The following INSL6 variants were observed in gnomAD, a reference collection of about 807,000 sequenced individuals.
INSL6 encodes insulin like 6.
In INSL6, 16 loss-of-function variants were observed where a neutral mutation model predicts 9.4. The observed-to-expected ratio is 1.70, with a 90% confidence interval of 1.15 to 2.59. The LOEUF is 2.59. INSL6 is among the 30% of genes most tolerant of loss of function. INSL6 has a pLI of 0.00. For synonymous variants in INSL6, 154 were observed against 96.9 expected, an observed-to-expected ratio of 1.59 and a Z score of -3.46; for missense variants, 391 against 257.3, an observed-to-expected ratio of 1.52 and a Z score of -3.56.
the INSL6 span, among the ~76,000 whole-genome samples, chr9:5,015,769 T>G: frequency 0.014 from 2,162 of 152,328 alleles, 64 homozygotes; most frequent in African/African-American, 0.05. Flanking sequence ...TTGAATTCAT[T>G]TAAATTCGGG....
At chr9:5,093,976 A>T in the INSL6 span, among the ~76,000 whole-genome samples, 21 of 152,118 alleles carry the variant, frequency 1.4e-4, no homozygotes, top group South Asian at 6.2e-4. Context: ...CCCATAAATG[A>T]TGCTATCTCA....
chr9:5,109,865 C>T, the INSL6 span: 3 of 152,126 alleles, frequency 2.0e-5, no homozygotes, highest in African/African-American at 7.2e-5. Context: ...AATATTCCAC[C>T]AACAAACTCT....
intron 1 of INSL6, among the ~76,000 whole-genome samples, chr9:5,173,243 T>G (rs532643880): frequency 2.0e-5 from 3 of 152,226 alleles, no homozygotes; most frequent in East Asian, 1.9e-4. Flanking sequence ...GAAATACCAT[T>G]TGACCCAGCA....
the INSL6 span, among the ~76,000 whole-genome samples, chr9:5,077,946 G>A: frequency 2.0e-5 from 3 of 152,046 alleles, no homozygotes; most frequent in South Asian, 6.2e-4. Flanking sequence ...AATACCAGGG[G>A]GACTGCCAGT....
intron 1 of INSL6, among the ~76,000 whole-genome samples, chr9:5,173,278 A>C (rs1235135354): frequency 6.6e-6 from 1 of 152,212 alleles, no homozygotes; most frequent in African/African-American, 2.4e-5. Context: ...TATATACCCA[A>C]AGGAATATAA....
the INSL6 span, chr9:5,085,575 T>A: frequency 1.4e-6 from 1 of 692,840 alleles, no homozygotes; most frequent in Admixed American, 2.0e-5. Flanking sequence ...TATTTCCAGT[T>A]TGTGCCCCAC....
intron 1 of INSL6, among the ~76,000 whole-genome samples, chr9:5,180,422 T>A (rs1281116057): frequency 1.3e-5 from 2 of 152,214 alleles, no homozygotes; most frequent in African/African-American, 2.4e-5. Context: ...TTTTTCTTCT[T>A]GCAGAGAGGC....
At chr9:5,017,772 G>C in the INSL6 span, among the ~76,000 whole-genome samples, 1 of 152,154 alleles carries the variant, frequency 6.6e-6, no homozygotes, top group South Asian at 2.1e-4. Context: ...AAATCTTGCA[G>C]TTTTATATCT....
At chr9:5,149,758 A>G (rs1824676025) in intron 2 of INSL6, among the ~76,000 whole-genome samples, 1 of 152,210 alleles carries the variant, frequency 6.6e-6, no homozygotes, top group South Asian at 2.1e-4. Flanking sequence ...AAGGAACCAA[A>G]AAGAGCCCAT....
the INSL6 span, chr9:5,111,466 GC>G: frequency 7.7e-6 from 3 of 387,366 alleles, no homozygotes; most frequent in African/African-American, 4.2e-5. Context: ...CGGCGTACCT[GC>G]CCAGCTCAGG....
Position 5,146,649 on chromosome 9 carries a change from T to A in INSL6, c.377-13057A>T, listed in dbSNP as rs1164747694. On this transcript the variant is annotated intron_variant, in intron 2 of 3. Coordinates refer to the INSL6 transcript ENST00000649639. ...TGACTCTGTGCCCACCAAGGCTCCA[T>A]CTGCAACGGCAGTCAACAGGGGTTG... 1.3e-5 allele frequency among the ~76,000 whole-genome samples: 2 copies of A among 152,340 alleles called. 1 individual carries two copies. Among genetic ancestry groups the A allele is most frequent in the South Asian group, 4.1e-4 (2 of 4,824 alleles).
chr9:5,119,482 T>C (rs1823453886), downstream of INSL6, among the ~76,000 whole-genome samples: 1 of 152,094 alleles, frequency 6.6e-6, no homozygotes, highest in African/African-American at 2.4e-5. Context: ...TCTCTGCCTA[T>C]ACATGTGAAA....
the INSL6 span, among the ~76,000 whole-genome samples, chr9:4,994,275 C>A: frequency 6.6e-6 from 1 of 152,196 alleles, no homozygotes; most frequent in Non-Finnish European, 1.5e-5. Flanking sequence ...CTTAAAGTCA[C>A]AGTTTCCAAG....
At chr9:5,148,302 T>C (rs1039601376) in intron 2 of INSL6, among the ~76,000 whole-genome samples, 3 of 152,142 alleles carry the variant, frequency 2.0e-5, no homozygotes, top group Admixed American at 6.5e-5. Flanking sequence ...TTAATGATTT[T>C]TGGTGTTATA....
the INSL6 span, among the ~76,000 whole-genome samples, chr9:4,996,283 T>C: frequency 6.6e-6 from 1 of 152,124 alleles, no homozygotes; most frequent in Non-Finnish European, 1.5e-5. Flanking sequence ...ACCCTGTCTC[T>C]ACTAAATACA....
chr9:5,097,849 TCCC>T, the INSL6 span: 1 of 152,192 alleles, frequency 6.6e-6, no homozygotes, highest in African/African-American at 2.4e-5. Flanking sequence ...TACCACTGGT[TCCC>T]CCATTCTCAG....
At chr9:5,102,388 T>G in the INSL6 span, among the ~76,000 whole-genome samples, 1 of 152,176 alleles carries the variant, frequency 6.6e-6, no homozygotes, top group African/African-American at 2.4e-5. Flanking sequence ...AATACAGGAC[T>G]ATGTGAAAAG....
the INSL6 span, among the ~76,000 whole-genome samples, chr9:5,012,220 A>C: frequency 3.3e-5 from 5 of 152,130 alleles, no homozygotes; most frequent in African/African-American, 7.2e-5. Context: ...CTGCCTGTAC[A>C]CAACAGACTG....
At chr9:5,006,449 G>A in the INSL6 span, among the ~76,000 whole-genome samples, 2 of 152,242 alleles carry the variant, frequency 1.3e-5, no homozygotes, top group East Asian at 1.9e-4. Context: ...TTAAATTACT[G>A]TATTTGTTTG....
Sources: allele counts gnomAD v4.1 joint callset (sites outside exome capture counted in the v4.1 genomes callset), GRCh38; gene constraint gnomAD v4.1.1; transcripts MANE v1.5; gene names NCBI Gene and HGNC (gene_info 2026-07-23, HGNC 2026-07-21).